The following BMPR1B variants were observed in gnomAD, a reference collection of about 807,000 sequenced individuals.
BMPR1B encodes the protein bone morphogenetic protein receptor type 1B, also known as bone morphogenetic protein receptor type-1B.
Under a neutral mutation model 59.1 loss-of-function variants are expected in BMPR1B, and 12 were observed. The observed-to-expected ratio is 0.20, with a 90% CI of 0.13 to 0.33. The LOEUF is 0.33. Among genes scored for constraint, BMPR1B ranks in the 10% least tolerant of loss-of-function variants. BMPR1B has a pLI of 1.00. For synonymous variants in BMPR1B, 237 were observed against 207.3 expected (o/e 1.14, Z -1.23); for missense variants, 550 against 610.9 (o/e 0.90, Z 1.05).
Position 95,043,138 on chromosome 4 carries a change from G to T in BMPR1B, c.-18+47004G>T, listed in dbSNP as rs375404552. On this transcript the variant is annotated intron_variant, in intron 3 of 12. Transcript: ENST00000515059. ...TGCAGTGAGCCGAGATTGCGCCACT[G>T]CAGTCCGCAGTCCGGCCTGGGCGAC... 2.8e-4 allele frequency among the ~76,000 whole-genome samples: 35 copies of T among 123,136 alleles called. No individual in the cohort carries two copies. The South Asian group carries it at 8.5e-3, about 30-fold the overall frequency. The allele number at this position is 123,136 out of a possible 152,430, so 80.8% of individuals were successfully genotyped here.
intron 1 of BMPR1B, among the ~76,000 whole-genome samples, chr4:94,820,930 A>C (rs1052566094): frequency 1.3e-5 from 2 of 152,230 alleles, no homozygotes; most frequent in African/African-American, 4.8e-5. Context: ...ATTCTAAGAG[A>C]GATCATTAGA....
intron 1 of BMPR1B, among the ~76,000 whole-genome samples, chr4:94,864,569 G>C (rs1410341623): frequency 1.3e-5 from 2 of 151,966 alleles, no homozygotes; most frequent in African/African-American, 4.8e-5. Context: ...TTTTGATAAG[G>C]GCCAAGTACT....
chr4:95,050,882 T>C (rs1321881161), intron 3 of BMPR1B, among the ~76,000 whole-genome samples: 1 of 152,206 alleles, frequency 6.6e-6, no homozygotes, highest in Non-Finnish European at 1.5e-5. Flanking sequence ...AATTTCTTTA[T>C]CTCATTCAAT....
Position 94,836,971 on chromosome 4 carries a change from A to G in BMPR1B, c.-182-38860A>G, listed in dbSNP as rs374546339. The stretch of plus-strand genomic sequence containing the variant: ...GGAAGGGATCCAGTTTCAGCTTTCT[A>G]CATATGGCTAGCCAGTTTTCCCAGC... On this transcript the variant is annotated intron_variant, in intron 1 of 12. Coordinates refer to ENST00000515059, the MANE Select transcript of BMPR1B (RefSeq NM_001203.3). Among the ~76,000 whole-genome samples the G allele has an allele frequency of 4.0e-4, 58 of 143,516 alleles. 3 individuals carry two copies. The highest frequency in any genetic ancestry group is 7.8e-5 in the Non-Finnish European group (5 of 64,458). The allele number at this position is 143,516 out of a possible 152,430, so 94.2% of individuals were successfully genotyped here. A position where few individuals can be genotyped will look rare whatever the true frequency, so the allele number is the denominator to read the frequency against.
In BMPR1B at chr4:95,071,650, G is replaced by GTATATATA. The variant is rs1459082558; in HGVS notation, c.-17-32757_-17-32756insATATATAT. Among the ~76,000 whole-genome samples the GTATATATA allele has an allele frequency of 6.7e-3, 524 of 78,384 alleles. 1 individual carries two copies. The highest frequency in any genetic ancestry group is 0.01 in the Non-Finnish European group (364 of 36,102). 51.4% of individuals were successfully genotyped at this position (78,384 alleles called of 152,430 possible). On this transcript the variant is annotated intron_variant, in intron 3 of 12. Coordinates refer to ENST00000515059, the MANE Select transcript of BMPR1B (RefSeq NM_001203.3). The stretch of plus-strand genomic sequence containing the variant: ...TGTGTGTTTGTGTGTGTGTGTGTGT[G>GTATATATA]TGTATATATATATATATATATATAT...
At chr4:95,061,682 C>T (rs1727410051) in intron 3 of BMPR1B, among the ~76,000 whole-genome samples, 1 of 152,152 alleles carries the variant, frequency 6.6e-6, no homozygotes, top group South Asian at 2.1e-4. Flanking sequence ...CAGGACAGAA[C>T]TTGGGATCCT....
intron 1 of BMPR1B, among the ~76,000 whole-genome samples, chr4:94,868,401 C>T (rs1726335252): frequency 6.6e-6 from 1 of 151,868 alleles, no homozygotes; most frequent in African/African-American, 2.4e-5. Context: ...GAACTCCTGA[C>T]CTCAAATGGT....
chr4:95,111,115 G>A (rs1731599456), intron 4 of BMPR1B, among the ~76,000 whole-genome samples: 1 of 152,202 alleles, frequency 6.6e-6, no homozygotes, highest in Admixed American at 6.6e-5. Context: ...AGTTGTTGTA[G>A]GAAAACTGTT....
intron 1 of BMPR1B, among the ~76,000 whole-genome samples, chr4:94,787,440 T>C (rs77369607): frequency 0.017 from 2,540 of 152,284 alleles, 32 homozygotes; most frequent in Middle Eastern, 0.027. Flanking sequence ...GTACCCTCCC[T>C]GTATCCAGAG....
chr4:94,994,695 CTTT>C (rs34949480), intron 2 of BMPR1B, among the ~76,000 whole-genome samples: 1 of 146,266 alleles, frequency 6.8e-6, no homozygotes. Context: ...TTATGTGTAA[CTTT>C]TTTTTTTTTT....
At chr4:94,840,140 C>G (rs1724997886) in intron 1 of BMPR1B, among the ~76,000 whole-genome samples, 1 of 149,028 alleles carries the variant, frequency 6.7e-6, no homozygotes, top group Non-Finnish European at 1.5e-5. Context: ...AGGTGTTAGT[C>G]TGATGGGCTT....
At chr4:95,097,758 C>T (rs1730535653) in intron 3 of BMPR1B, among the ~76,000 whole-genome samples, 1 of 152,000 alleles carries the variant, frequency 6.6e-6, no homozygotes. Flanking sequence ...GGATGGTCTC[C>T]ATCTCTTGAC....
chr4:94,845,201 A>G (rs1310627783), intron 1 of BMPR1B, among the ~76,000 whole-genome samples: 1 of 152,160 alleles, frequency 6.6e-6, no homozygotes, highest in East Asian at 1.9e-4. Flanking sequence ...TAGGGTAGAA[A>G]GTTATATAAG....
intron 1 of BMPR1B, among the ~76,000 whole-genome samples, chr4:94,759,166 C>T (rs963898570): frequency 6.6e-6 from 1 of 152,198 alleles, no homozygotes; most frequent in Non-Finnish European, 1.5e-5. Flanking sequence ...CGCTGCAGTT[C>T]CCTTGAGTTA....
chr4:95,057,821 T>G lies in BMPR1B; in HGVS notation c.-17-46587T>G, dbSNP rs534942106. Reference sequence around the variant, plus strand: ...TATTGGCTAGCAAATGAGTTATTTATCAACTAAATGTTTTGAAAATTATTT... The same window carrying G: ...TATTGGCTAGCAAATGAGTTATTTAGCAACTAAATGTTTTGAAAATTATTT... On this transcript the variant is annotated intron_variant, in intron 3 of 12. Transcript: ENST00000515059. 2.0e-5 allele frequency among the ~76,000 whole-genome samples: 3 copies of G among 152,312 alleles called. No homozygotes were observed. The South Asian group carries it at 6.2e-4, about 32-fold the overall frequency.
intron 3 of BMPR1B, among the ~76,000 whole-genome samples, chr4:95,089,397 C>A (rs750578134): frequency 2.0e-5 from 3 of 151,786 alleles, no homozygotes; most frequent in Non-Finnish European, 2.9e-5. Context: ...ACATTTTGAC[C>A]TTAGGGTAGA....
At chr4:94,800,094 G>C (rs1723349921) in intron 1 of BMPR1B, among the ~76,000 whole-genome samples, 1 of 152,180 alleles carries the variant, frequency 6.6e-6, no homozygotes, top group African/African-American at 2.4e-5. Context: ...GTGATCCCCA[G>C]TTTTTCTTGT....
At chr4:94,853,691 C>G (rs1339857580) in intron 1 of BMPR1B, among the ~76,000 whole-genome samples, 1 of 152,058 alleles carries the variant, frequency 6.6e-6, no homozygotes, top group East Asian at 1.9e-4. Flanking sequence ...GTCAGACTAG[C>G]AGCACATGCC....
chr4:94,825,048 G>A (rs574954360), intron 1 of BMPR1B, among the ~76,000 whole-genome samples: 27 of 152,330 alleles, frequency 1.8e-4, no homozygotes, highest in Non-Finnish European at 3.1e-4. Flanking sequence ...TGTTCATGTA[G>A]TTTTGATGCC....
Sources: gnomAD v4.1 joint callset for allele counts (sites outside exome capture counted in the v4.1 genomes callset) on GRCh38, gnomAD v4.1.1 for gene constraint, MANE v1.5 for transcripts, NCBI Gene and HGNC (gene_info 2026-07-23, HGNC 2026-07-21) for gene names.